Variants in SUCLG2 observed in about 807,000 individuals in gnomAD.
SUCLG2 encodes succinate-CoA ligase GDP-forming subunit beta, also known as succinate--CoA ligase [GDP-forming] subunit beta, mitochondrial.
A neutral mutation model predicts 47.9 loss-of-function variants in SUCLG2; 42 were observed. The ratio of observed to expected loss-of-function variants is 0.88; its 90% CI spans 0.69 to 1.14. SUCLG2 has a LOEUF of 1.14. Among genes scored for constraint, SUCLG2 ranks in the 50% most tolerant of loss-of-function variants. The pLI is 0.00. For synonymous variants in SUCLG2, 195 were observed against 197.3 expected (o/e 0.99, Z 0.10); for missense variants, 571 against 525.9 (o/e 1.09, Z -0.84).
At chr3:67,600,872 C>T (rs1322236850) in intron 2 of SUCLG2, among the ~76,000 whole-genome samples, 1 of 152,132 alleles carries the variant, frequency 6.6e-6, no homozygotes, top group Non-Finnish European at 1.5e-5. Flanking sequence ...CTGTGGCAGA[C>T]CAAGAACATC....
intron 9 of SUCLG2, among the ~76,000 whole-genome samples, chr3:67,494,844 A>T (rs1705289586): frequency 6.6e-6 from 1 of 152,202 alleles, no homozygotes; most frequent in African/African-American, 2.4e-5. Context: ...TAACTTCCTT[A>T]CTAAACTAGC....
intron 1 of SUCLG2, among the ~76,000 whole-genome samples, chr3:67,634,756 T>G (rs9861582): frequency 3.2e-4 from 48 of 152,326 alleles, no homozygotes; most frequent in African/African-American, 9.9e-4. Context: ...GGGCACAGTA[T>G]CATGAAAATG....
chr3:67,365,243 T>C (rs1168633556), intron 10 of SUCLG2, among the ~76,000 whole-genome samples: 2 of 152,304 alleles, frequency 1.3e-5, no homozygotes, highest in Admixed American at 6.5e-5. Flanking sequence ...CTTGAAGATA[T>C]AATAGTTGAA....
chr3:67,380,909 A>G (rs1172341397), intron 10 of SUCLG2, among the ~76,000 whole-genome samples: 1 of 152,154 alleles, frequency 6.6e-6, no homozygotes, highest in Admixed American at 6.5e-5. Flanking sequence ...TTCTCCTTGA[A>G]GGCATAGCTC....
At chr3:67,376,392 G>C (rs1246781814) in intron 10 of SUCLG2, 3 of 985,298 alleles carry the variant, frequency 3.0e-6, no homozygotes, top group African/African-American at 3.5e-5. Flanking sequence ...GCAATCTCTT[G>C]ACTGTTCCTG....
chr3:67,589,890 C>A (rs1708113549), intron 2 of SUCLG2, among the ~76,000 whole-genome samples: 1 of 152,194 alleles, frequency 6.6e-6, no homozygotes. Flanking sequence ...AAAATGGAAG[C>A]CAGGCCTTAC....
intron 9 of SUCLG2, among the ~76,000 whole-genome samples, chr3:67,454,878 C>G (rs1018791133): frequency 6.7e-6 from 1 of 148,368 alleles, no homozygotes; most frequent in African/African-American, 2.5e-5. Context: ...AGGAGAATGG[C>G]GTGAACCTGG....
chr3:67,647,705 GC>G (rs1286293908), intron 1 of SUCLG2, among the ~76,000 whole-genome samples: 1 of 152,162 alleles, frequency 6.6e-6, no homozygotes, highest in East Asian at 1.9e-4. Context: ...GTACAATTAA[GC>G]TCCCCATGAG....
intron 1 of SUCLG2, among the ~76,000 whole-genome samples, chr3:67,626,977 T>A (rs1374582075): frequency 6.7e-6 from 1 of 148,200 alleles, no homozygotes; most frequent in African/African-American, 2.5e-5. Flanking sequence ...AGTATATGTA[T>A]CAAAAAATTT....
chr3:67,651,151 T>C (rs1019248715), intron 1 of SUCLG2, among the ~76,000 whole-genome samples: 1 of 152,192 alleles, frequency 6.6e-6, no homozygotes, highest in Non-Finnish European at 1.5e-5. Context: ...CCAGCCTAAC[T>C]TAGATTTATA....
intron 6 of SUCLG2, among the ~76,000 whole-genome samples, chr3:67,516,708 T>G (rs878875505): frequency 6.6e-6 from 1 of 152,210 alleles, no homozygotes; most frequent in Non-Finnish European, 1.5e-5. Context: ...ACAAAGTCCC[T>G]GCCGTGGTAA....
chr3:67,562,848 T>C (rs1294089096), intron 2 of SUCLG2, among the ~76,000 whole-genome samples: 1 of 152,168 alleles, frequency 6.6e-6, no homozygotes, highest in African/African-American at 2.4e-5. Context: ...ATTAGTATTA[T>C]CCTTATTAAG....
chr3:67,522,813 G>A (rs1197532089), intron 4 of SUCLG2, among the ~76,000 whole-genome samples: 11 of 150,710 alleles, frequency 7.3e-5, no homozygotes, highest in Admixed American at 4.0e-4. Context: ...ACAGGTGCCC[G>A]CCACCACACC....
At chr3:67,513,045 T>C (rs1010156884) in intron 6 of SUCLG2, among the ~76,000 whole-genome samples, 3 of 150,782 alleles carry the variant, frequency 2.0e-5, no homozygotes, top group Admixed American at 6.6e-5. Flanking sequence ...CATACATACA[T>C]AAAATAAAAG....
intron 2 of SUCLG2, among the ~76,000 whole-genome samples, chr3:67,608,970 C>A (rs1035897268): frequency 6.6e-6 from 1 of 152,222 alleles, no homozygotes; most frequent in African/African-American, 2.4e-5. Flanking sequence ...AGCCACCCCA[C>A]TGAGCCTGTT....
At chr3:67,479,278 G>A (rs1441025847) in intron 9 of SUCLG2, among the ~76,000 whole-genome samples, 3 of 149,844 alleles carry the variant, frequency 2.0e-5, no homozygotes, top group African/African-American at 7.4e-5. Flanking sequence ...CTTGTACAAA[G>A]AGCCATCAAA....
intron 9 of SUCLG2, among the ~76,000 whole-genome samples, chr3:67,452,988 T>G (rs566209504): frequency 1.3e-5 from 2 of 152,144 alleles, no homozygotes; most frequent in South Asian, 4.2e-4. Flanking sequence ...TAGATGAAGG[T>G]CTAAAGTAGA....
chr3:67,651,876 C>G (rs189132400), intron 1 of SUCLG2, among the ~76,000 whole-genome samples: 2 of 152,176 alleles, frequency 1.3e-5, no homozygotes, highest in Admixed American at 1.3e-4. Flanking sequence ...TCCCATGACC[C>G]TGACTGATTT....
rs564724986 is a variant in SUCLG2, at chr3:67,536,483, T to C, written c.227-7297A>G. Among the ~76,000 whole-genome samples, 13 of 152,332 alleles carry C rather than the reference T, an allele frequency of 8.5e-5. 1 individual carries two copies. In the South Asian group the frequency reaches 2.1e-3, roughly 24 times the overall value. The stretch of plus-strand genomic sequence containing the variant: ...TTGCCCTGCTGTCTGTTCACTGCCA[T>C]CATTCACTGCCTATGGTCTCTGGAC... On this transcript the variant is annotated intron_variant, in intron 2 of 10. Coordinates refer to ENST00000307227, the MANE Select transcript of SUCLG2 (RefSeq NM_003848.4).
Sources: gnomAD v4.1 joint callset for allele counts (sites outside exome capture counted in the v4.1 genomes callset) on GRCh38, gnomAD v4.1.1 for gene constraint, MANE v1.5 for transcripts, NCBI Gene and HGNC (gene_info 2026-07-23, HGNC 2026-07-21) for gene names.